Variants in WWOX observed in about 807,000 individuals in gnomAD.
The protein encoded by WWOX is WW domain-containing oxidoreductase.
In WWOX, 69 loss-of-function variants were observed where a neutral mutation model predicts 46.2. The observed-to-expected ratio is 1.49, with a 90% CI of 1.23 to 1.82. WWOX has a LOEUF of 1.82. WWOX is among the 40% of genes most tolerant of loss of function. The probability of loss-of-function intolerance (pLI) is 0.00; values close to 1 mark genes in which losing one functional copy is unlikely to be tolerated. For synonymous variants in WWOX, 359 were observed against 202.6 expected (o/e 1.77, Z -6.56); for missense variants, 919 against 542.6 (o/e 1.69, Z -6.89).
chr16:78,880,074 GA>G, intron 8 of WWOX, among the ~76,000 whole-genome samples: 2 of 152,292 alleles, frequency 1.3e-5, no homozygotes, highest in African/African-American at 4.8e-5. Flanking sequence ...ACGAGTTGAT[GA>G]TACCGTATGC....
intron 8 of WWOX, among the ~76,000 whole-genome samples, chr16:78,466,053 A>T (rs1354707261): frequency 6.6e-6 from 1 of 150,972 alleles, no homozygotes; most frequent in Admixed American, 6.6e-5. Context: ...TTTTTTTGAG[A>T]CGGAGTCTTG....
At chr16:78,948,928 G>A (rs2046002423) in intron 8 of WWOX, among the ~76,000 whole-genome samples, 1 of 152,104 alleles carries the variant, frequency 6.6e-6, no homozygotes, top group African/African-American at 2.4e-5. Context: ...TGTGGCAGAG[G>A]GTAGGCAGAG....
At chr16:79,187,392 C>G (rs183225353) in intron 8 of WWOX, among the ~76,000 whole-genome samples, 1 of 152,294 alleles carries the variant, frequency 6.6e-6, no homozygotes, top group Non-Finnish European at 1.5e-5. Context: ...CCACTCCTTT[C>G]ACTTGCTTTT....
intron 5 of WWOX, among the ~76,000 whole-genome samples, chr16:78,247,849 G>A (rs28735325): frequency 4.6e-5 from 7 of 152,194 alleles, no homozygotes; most frequent in African/African-American, 1.7e-4. Context: ...GAAGATGTGA[G>A]GAAAGAGGAC....
chr16:78,353,798 A>G (rs1002134039), intron 5 of WWOX, among the ~76,000 whole-genome samples: 5 of 152,226 alleles, frequency 3.3e-5, no homozygotes, highest in Non-Finnish European at 7.3e-5. Context: ...CTGCAAGGTC[A>G]GCAGTTAGCG....
At chr16:79,157,978 G>C (rs2050414497) in intron 8 of WWOX, among the ~76,000 whole-genome samples, 1 of 152,192 alleles carries the variant, frequency 6.6e-6, no homozygotes, top group Non-Finnish European at 1.5e-5. Context: ...AAAGGAGGTG[G>C]TGGGGTGTAA....
chr16:79,116,597 A>C (rs182107317), intron 8 of WWOX, among the ~76,000 whole-genome samples: 35 of 152,298 alleles, frequency 2.3e-4, no homozygotes, highest in East Asian at 9.6e-4. Context: ...TCACATCATC[A>C]GGCTCTACTT....
chr16:78,336,562 G>A (rs577195359), intron 5 of WWOX, among the ~76,000 whole-genome samples: 3 of 147,834 alleles, frequency 2.0e-5, no homozygotes, highest in South Asian at 2.2e-4. Context: ...AGGGAGCAAA[G>A]GAGTCTTGTG....
At chr16:78,368,036 T>C (rs2081580975) in intron 5 of WWOX, among the ~76,000 whole-genome samples, 1 of 152,146 alleles carries the variant, frequency 6.6e-6, no homozygotes, top group Non-Finnish European at 1.5e-5. Flanking sequence ...GGATTACAGG[T>C]GTGAGCCTCT....
chr16:78,348,151 A>T (rs1280455496), intron 5 of WWOX, among the ~76,000 whole-genome samples: 2 of 122,570 alleles, frequency 1.6e-5, no homozygotes, highest in East Asian at 3.8e-4. Flanking sequence ...CCTAAGGTCT[A>T]GAGTCAACAT....
At chr16:78,334,925 A>T (rs866310523) in intron 5 of WWOX, among the ~76,000 whole-genome samples, 1,467 of 118,936 alleles carry the variant, frequency 0.012, 19 homozygotes, top group Non-Finnish European at 0.016. Flanking sequence ...ATCTTTTTTT[A>T]AAAAAAAAAA....
At chr16:78,718,676 C>T (rs1340210218) in intron 8 of WWOX, among the ~76,000 whole-genome samples, 1 of 152,058 alleles carries the variant, frequency 6.6e-6, no homozygotes, top group Admixed American at 6.5e-5. Context: ...CCACAGCACT[C>T]CAGCCTGGCC....
intron 8 of WWOX, among the ~76,000 whole-genome samples, chr16:78,944,411 T>C (rs1392997845): frequency 6.6e-6 from 1 of 152,170 alleles, no homozygotes; most frequent in African/African-American, 2.4e-5. Flanking sequence ...ATCAGTTGAA[T>C]GGAGTCAAAT....
rs377456641 is a variant in WWOX at position 78,819,165 on chromosome 16, T to C, written c.1056+386413T>C. ...GCCACTGCTGTTCAGTTCACTTCTT[T>C]TGGATCTTCTCAGCCCCATCAGGTT... On this transcript the variant is annotated intron_variant, in intron 8 of 8. Coordinates refer to ENST00000566780, the MANE Select transcript of WWOX (RefSeq NM_016373.4). 6.4e-4 allele frequency among the ~76,000 whole-genome samples: 98 copies of C among 152,336 alleles called. No homozygotes were observed. The South Asian group carries it at 0.019, about 30-fold the overall frequency.
In WWOX at chr16:78,501,197, T is replaced by C. The variant is rs142244535; in HGVS notation, c.1056+68445T>C. ...TCTTTCTCTCTCTTTCTTTCTCTTT[T>C]TTTTTTTTTGAAAAACTTTTTTGGA... On this transcript the variant is annotated intron_variant, in intron 8 of 8. Transcript: ENST00000566780. Among the ~76,000 whole-genome samples, 41 of 107,436 alleles carry C rather than the reference T, an allele frequency of 3.8e-4. 1 individual carries two copies. The highest frequency in any genetic ancestry group is 1.3e-3 in the African/African-American group (40 of 31,804). 70.5% of individuals were successfully genotyped at this position (107,436 alleles called of 152,430 possible).
At chr16:78,433,753 C>G (rs74247406) in intron 8 of WWOX, among the ~76,000 whole-genome samples, 1,515 of 149,346 alleles carry the variant, frequency 0.01, 52 homozygotes, top group East Asian at 0.09. Context: ...ACCTGCCACC[C>G]TTAACCTTCG....
intron 8 of WWOX, among the ~76,000 whole-genome samples, chr16:79,102,111 G>C (rs1273566733): frequency 4.0e-5 from 6 of 150,180 alleles, no homozygotes; most frequent in African/African-American, 1.5e-4. Flanking sequence ...CAGGTTCAGG[G>C]ACTGAGGCCG....
chr16:78,983,292 C>T (rs144855784), intron 8 of WWOX, among the ~76,000 whole-genome samples: 2 of 152,210 alleles, frequency 1.3e-5, no homozygotes, highest in East Asian at 1.9e-4. Flanking sequence ...AAGAAGCTGG[C>T]GGGAGAGTAG....
intron 8 of WWOX, among the ~76,000 whole-genome samples, chr16:78,777,148 G>A (rs2050211368): frequency 6.6e-6 from 1 of 152,040 alleles, no homozygotes; most frequent in Non-Finnish European, 1.5e-5. Flanking sequence ...GGTTTCTAGG[G>A]TCCAACATGC....
Sources: allele counts gnomAD v4.1 joint callset (sites outside exome capture counted in the v4.1 genomes callset), GRCh38; gene constraint gnomAD v4.1.1; transcripts MANE v1.5; gene names NCBI Gene and HGNC (gene_info 2026-07-23, HGNC 2026-07-21).